CCDC149: variants seen among roughly 807,000 people sequenced by gnomAD.
CCDC149 encodes coiled-coil domain containing 149.
Under a neutral mutation model 59.9 loss-of-function variants are expected in CCDC149, and 45 were observed. That is an observed-to-expected ratio of 0.75 (90% CI 0.59 to 0.96). CCDC149 has a LOEUF of 0.96. Ranked by LOEUF, CCDC149 falls within the 40% of genes least tolerant of loss-of-function variation. The pLI, the probability that CCDC149 is intolerant of heterozygous loss-of-function variation, is 0.00. For missense variants in CCDC149, 584 were observed against 664.7 expected (o/e 0.88, Z 1.33); for synonymous variants, 245 against 260.6 (o/e 0.94, Z 0.58).
intron 1 of CCDC149, among the ~76,000 whole-genome samples, chr4:24,974,556 G>A (rs1724092508): frequency 6.6e-6 from 1 of 152,156 alleles, no homozygotes; most frequent in African/African-American, 2.4e-5. Flanking sequence ...TAATTCCCTA[G>A]CACATAAGAA....
chr4:24,933,698 G>C (rs1722659148), intron 1 of CCDC149, among the ~76,000 whole-genome samples: 1 of 152,176 alleles, frequency 6.6e-6, no homozygotes, highest in Non-Finnish European at 1.5e-5. Context: ...ATGAGTAATT[G>C]TGTAATTTCT....
intron 3 of CCDC149, 98 bp downstream of exon 3, chr4:24,873,583 G>T: frequency 1.2e-6 from 1 of 836,748 alleles, no homozygotes; most frequent in East Asian, 2.4e-5. Flanking sequence ...AAGAATTCCA[G>T]GAAATTAAAG....
chr4:24,816,990 T>A (rs571846300), intron 12 of CCDC149, among the ~76,000 whole-genome samples: 3 of 152,248 alleles, frequency 2.0e-5, no homozygotes, highest in Non-Finnish European at 4.4e-5. Context: ...GATGAGGCCA[T>A]CCCGGACGCT....
At chr4:24,847,415 C>T (rs1021284082) in intron 4 of CCDC149, among the ~76,000 whole-genome samples, 17 of 152,224 alleles carry the variant, frequency 1.1e-4, no homozygotes, top group African/African-American at 3.4e-4. Flanking sequence ...AGACTAAGCA[C>T]TGTCTGATGA....
chr4:24,819,957 A>G lies in CCDC149; in HGVS notation c.1094T>C (p.Leu365Pro), dbSNP rs372783780. The G allele has an allele frequency of 1.3e-6, 2 of 1,551,036 alleles. No homozygotes were observed. The highest frequency in any genetic ancestry group is 1.7e-6 in the Non-Finnish European group (2 of 1,146,770). ...ACTAGGAAGAGTGGGGTCGCTGAAC[A>G]GTATGGTGTCCTTGCCCCCTGTTGC... Residue 365 changes from leucine to proline, a missense_variant, in exon 12 of 13, where the codon CTG (leucine) becomes CCG (proline). Leu to Pro is a moderately conservative substitution (Grantham distance 98). Transcript: ENST00000635206.
chr4:24,866,680 G>A (rs61792824), intron 3 of CCDC149, among the ~76,000 whole-genome samples: 3,926 of 151,002 alleles, frequency 0.026, 161 homozygotes, highest in African/African-American at 0.09. Flanking sequence ...TCGGAAATTC[G>A]TTGTTTTAAA....
chr4:24,813,496 A>ATATCTATATATC (rs1560197539), intron 12 of CCDC149, among the ~76,000 whole-genome samples: 6 of 11,256 alleles, frequency 5.3e-4, no homozygotes, highest in African/African-American at 1.5e-3. Flanking sequence ...GGGAATATAT[A>ATATCTATATATC]TATATATATA....
intron 1 of CCDC149, among the ~76,000 whole-genome samples, chr4:24,924,582 A>C (rs1226365636): frequency 6.6e-6 from 1 of 152,218 alleles, no homozygotes; most frequent in African/African-American, 2.4e-5. Context: ...TAGGACTGTC[A>C]GCTAAAATGC....
chr4:24,904,412 C>T (rs1195780580), intron 1 of CCDC149, among the ~76,000 whole-genome samples: 1 of 152,160 alleles, frequency 6.6e-6, no homozygotes, highest in African/African-American at 2.4e-5. Flanking sequence ...GGTAGCCCTG[C>T]TCCACAAGGA....
At chr4:24,846,549 G>A (rs1044444838) in intron 4 of CCDC149, among the ~76,000 whole-genome samples, 25 of 152,106 alleles carry the variant, frequency 1.6e-4, no homozygotes, top group African/African-American at 5.8e-4. Context: ...CACACTCATT[G>A]GTCTGTCTTT....
chr4:24,905,602 A>G (rs947220821), intron 1 of CCDC149, among the ~76,000 whole-genome samples: 6 of 150,820 alleles, frequency 4.0e-5, no homozygotes, highest in African/African-American at 1.5e-4. Context: ...CGCCCAGCTA[A>G]TTTTTGTATT....
chr4:24,817,649 C>G (rs1313344351), intron 12 of CCDC149, among the ~76,000 whole-genome samples: 1 of 150,466 alleles, frequency 6.6e-6, no homozygotes, highest in Non-Finnish European at 1.5e-5. Flanking sequence ...ATGGGCGGTT[C>G]CGGTTCTGCT....
intron 12 of CCDC149, among the ~76,000 whole-genome samples, chr4:24,814,656 G>T (rs1714897059): frequency 6.6e-6 from 1 of 152,192 alleles, no homozygotes; most frequent in African/African-American, 2.4e-5. Flanking sequence ...AGTTTGAGCA[G>T]CACTGCAGGC....
chr4:24,812,816 T>C (rs1463437484), intron 12 of CCDC149, among the ~76,000 whole-genome samples: 1 of 152,188 alleles, frequency 6.6e-6, no homozygotes, highest in Non-Finnish European at 1.5e-5. Context: ...GGAACTCTCA[T>C]TTATGAAACC....
intron 1 of CCDC149, among the ~76,000 whole-genome samples, chr4:24,926,221 A>G (rs2109339161): frequency 6.6e-6 from 1 of 152,326 alleles, no homozygotes; most frequent in South Asian, 2.1e-4. Context: ...AAAGGAATTC[A>G]TTCTTGAGTT....
chr4:24,912,805 C>T lies in CCDC149; in HGVS notation c.63+12G>A. 2 of 1,324,964 alleles carry T rather than the reference C, an allele frequency of 1.5e-6. No individual in the cohort carries two copies. The highest frequency in any genetic ancestry group is 1.7e-5 in the South Asian group (1 of 58,290). The allele number at this position is 1,324,964 out of a possible 1,614,324, so 82.1% of individuals were successfully genotyped here. On this transcript the variant is annotated intron_variant, in intron 1 of 12. Transcript: ENST00000635206. ...CCCGGCCCATCCCGCCTGGCCGGCGCCGCGGCCTCACCTCGCTCACCAGCC... is the reference window on the plus strand; with the variant it reads ...CCCGGCCCATCCCGCCTGGCCGGCGTCGCGGCCTCACCTCGCTCACCAGCC...
At chr4:24,916,501 C>A (rs963184638), upstream of CCDC149, among the ~76,000 whole-genome samples, 30 of 152,264 alleles carry the variant, frequency 2.0e-4, no homozygotes, top group African/African-American at 6.3e-4. Flanking sequence ...CTGGCCAGGT[C>A]TCGGCAGCCC....
At chr4:24,929,396 C>T (rs1292558861) in intron 1 of CCDC149, among the ~76,000 whole-genome samples, 2 of 152,084 alleles carry the variant, frequency 1.3e-5, no homozygotes, top group South Asian at 2.1e-4. Context: ...TAATCCTTAG[C>T]GCCACCACCG....
At chr4:24,882,658 G>C (rs892336642) in intron 1 of CCDC149, among the ~76,000 whole-genome samples, 1 of 152,122 alleles carries the variant, frequency 6.6e-6, no homozygotes, top group Admixed American at 6.5e-5. Flanking sequence ...TCATGTATTT[G>C]CTGAAGAAAA....
Sources: gnomAD v4.1 joint callset for allele counts (sites outside exome capture counted in the v4.1 genomes callset) on GRCh38, gnomAD v4.1.1 for gene constraint, MANE v1.5 for transcripts, NCBI Gene and HGNC (gene_info 2026-07-23, HGNC 2026-07-21) for gene names.